CNTNAP4: variants seen among roughly 807,000 people sequenced by gnomAD.
The protein encoded by CNTNAP4 is contactin-associated protein-like 4.
CNTNAP4 carries 98 observed loss-of-function variants against 148.4 expected under a neutral mutation model. The observed-to-expected ratio is 0.66, with a 90% CI of 0.56 to 0.78. The LOEUF (loss-of-function observed/expected upper bound fraction) is 0.78, where lower values mean the gene tolerates loss of function less well. CNTNAP4 is among the 30% of genes least tolerant of loss of function. CNTNAP4 has a pLI of 0.00. For missense variants in CNTNAP4, 1,935 were observed against 1,565.6 expected (o/e 1.24, Z -3.98); for synonymous variants, 730 against 565.1 (o/e 1.29, Z -4.14).
intron 3 of CNTNAP4, among the ~76,000 whole-genome samples, chr16:76,421,261 C>T (rs1159858445): frequency 6.6e-6 from 1 of 151,908 alleles, no homozygotes; most frequent in East Asian, 1.9e-4. Flanking sequence ...TAATAATATT[C>T]AGTATTTTTG....
At chr16:76,535,972 G>T (rs566756030) in intron 18 of CNTNAP4, among the ~76,000 whole-genome samples, 188 bp downstream of exon 18, 1 of 152,286 alleles carries the variant, frequency 6.6e-6, no homozygotes, top group South Asian at 2.1e-4. Context: ...TATATTCAAA[G>T]ATGGAGCGCA....
At chr16:76,319,508 A>G (rs1263515463) in intron 2 of CNTNAP4, among the ~76,000 whole-genome samples, 2 of 152,164 alleles carry the variant, frequency 1.3e-5, no homozygotes, top group Non-Finnish European at 2.9e-5. Flanking sequence ...GTCCTCCTAA[A>G]AGATTGAAAT....
intron 3 of CNTNAP4, among the ~76,000 whole-genome samples, chr16:76,382,686 T>C (rs906475230): frequency 5.9e-5 from 9 of 152,186 alleles, no homozygotes; most frequent in African/African-American, 1.9e-4. Flanking sequence ...CAAAAAACCA[T>C]GACTATGTTT....
chr16:76,501,646 T>C lies in CNTNAP4; in HGVS notation c.2365+2952T>C, dbSNP rs568457276. Among the ~76,000 whole-genome samples the C allele has an allele frequency of 6.6e-5, 10 of 152,242 alleles. No individual in the cohort carries two copies. In the East Asian group the frequency reaches 1.9e-3, roughly 29 times the overall value. On this transcript the variant is annotated intron_variant, in intron 15 of 23. Transcript: ENST00000611870. ...AGGTCAGGTTTGCTGCTAAACATCCTACAATGCATGAGACGGCTCTCCACA... is the reference window on the plus strand; with the variant it reads ...AGGTCAGGTTTGCTGCTAAACATCCCACAATGCATGAGACGGCTCTCCACA...
intron 15 of CNTNAP4, among the ~76,000 whole-genome samples, chr16:76,501,026 A>G (rs1457548386): frequency 6.6e-6 from 1 of 152,206 alleles, no homozygotes; most frequent in Non-Finnish European, 1.5e-5. Flanking sequence ...ATTTATGGAG[A>G]CACAGAGCAG....
intron 2 of CNTNAP4, among the ~76,000 whole-genome samples, chr16:76,333,278 T>C (rs946770822): frequency 3.9e-5 from 6 of 152,160 alleles, no homozygotes; most frequent in Non-Finnish European, 7.4e-5. Context: ...ATGTGTCTCT[T>C]GTATGTACTA....
chr16:76,376,438 GTCT>G (rs1567915753), intron 3 of CNTNAP4, among the ~76,000 whole-genome samples: 1 of 152,186 alleles, frequency 6.6e-6, no homozygotes, highest in East Asian at 1.9e-4. Context: ...GAAGAGACAT[GTCT>G]TCTTATTATA....
intron 3 of CNTNAP4, among the ~76,000 whole-genome samples, chr16:76,386,310 C>T (rs547371275): frequency 3.3e-5 from 5 of 151,948 alleles, no homozygotes; most frequent in East Asian, 3.9e-4. Context: ...AAACTAGCCT[C>T]GGGCAAAATA....
intron 8 of CNTNAP4, among the ~76,000 whole-genome samples, chr16:76,457,789 A>G (rs2080790541): frequency 7.0e-6 from 1 of 143,828 alleles, no homozygotes; most frequent in Non-Finnish European, 1.5e-5. Flanking sequence ...TTTATTTGTT[A>G]TTTTACTTTT....
intron 12 of CNTNAP4, among the ~76,000 whole-genome samples, chr16:76,482,012 T>A (rs1196307513): frequency 6.3e-5 from 2 of 31,952 alleles, no homozygotes; most frequent in Non-Finnish European, 1.3e-4. Context: ...TTTTTTTATT[T>A]TTTTTTTTAA....
chr16:76,553,532 C>T (rs374307538), intron 22 of CNTNAP4, 31 bp downstream of exon 22: 57 of 1,479,188 alleles, frequency 3.9e-5, no homozygotes, highest in Non-Finnish European at 5.0e-5. Flanking sequence ...TACTCAGTCA[C>T]AGACGTAGCT....
At chr16:76,325,043 G>A (rs545301166) in intron 2 of CNTNAP4, among the ~76,000 whole-genome samples, 4 of 152,046 alleles carry the variant, frequency 2.6e-5, no homozygotes, top group South Asian at 2.1e-4. Context: ...GCCAGCCCTC[G>A]GGGGCAAAGA....
rs1313771474 is a variant in CNTNAP4 at position 76,494,938 on chromosome 16, A to G, written c.2109A>G (p.Gly703=). ...QDGTPLSWWV[G]RTNETQTYWG... ...GAACCCCTCTGAGTTGGTGGGTAGG[A>G]AGAACCAATGAAACGCAAACCTACT... Residue 703 remains glycine (G), a synonymous_variant, in exon 14 of 24, where the codon GGA becomes GGG. Transcript: ENST00000611870. The G allele has an allele frequency of 1.2e-6, 2 of 1,613,530 alleles. No individual in the cohort carries two copies. The highest frequency in any genetic ancestry group is 1.7e-6 in the Non-Finnish European group (2 of 1,179,568).
chr16:76,403,097 T>A lies in CNTNAP4; in HGVS notation c.391-24355T>A, dbSNP rs537374647. ...ACTGTTGTTGTTGTTGGGTTTTATT[T>A]TTTTTTTTTTTTTGAGACGAAGTCT... On this transcript the variant is annotated intron_variant, in intron 3 of 23. Coordinates refer to ENST00000611870, the MANE Select transcript of CNTNAP4 (RefSeq NM_033401.5). 1.3e-3 allele frequency among the ~76,000 whole-genome samples: 191 copies of A among 150,656 alleles called. 1 individual carries two copies. Among genetic ancestry groups the A allele is most frequent in the African/African-American group, 4.1e-3 (171 of 41,284 alleles).
intron 3 of CNTNAP4, among the ~76,000 whole-genome samples, chr16:76,413,924 CTT>C (rs890635973): frequency 1.9e-4 from 29 of 151,198 alleles, no homozygotes; most frequent in African/African-American, 7.0e-4. Flanking sequence ...TATATATAGA[CTT>C]TTATCTAACA....
At position 76,448,104 on chromosome 16, in the gene CNTNAP4, A is replaced by C; in HGVS notation, c.631A>C (p.Lys211Gln). The change falls in exon 5 of 24, where the codon AAA (lysine) becomes CAA (glutamine). Residue 211 changes from lysine to glutamine, a missense_variant. Lys to Gln is a moderately conservative substitution (Grantham distance 53). Coordinates refer to ENST00000611870, the MANE Select transcript of CNTNAP4 (RefSeq NM_033401.5). ...LSPIKDIISL[K>Q]FKTMQSDGIL... ...CCCAATAAAAGACATTATTTCTTTG[A>C]AATTCAAAACCATGCAGAGTGATGG... is the stretch of plus-strand genomic sequence containing the variant. The C allele has an allele frequency of 6.2e-7, 1 of 1,613,682 alleles. No individual in the cohort carries two copies. Among genetic ancestry groups the C allele is most frequent in the Non-Finnish European group, 8.5e-7 (1 of 1,179,648 alleles).
Position 76,535,567 on chromosome 16 carries a change from A to G in CNTNAP4, c.2778A>G (p.Arg926=), listed in dbSNP as rs754292915. 1.4e-5 allele frequency: 23 copies of G among 1,612,080 alleles called. No homozygotes were observed. The Admixed American group carries it at 1.5e-4, about 11-fold the overall frequency. ...LFVGGTATRQ[R]GFLGCIRSLQ... The stretch of plus-strand genomic sequence containing the variant: ...TAGGTGGAACGGCCACCAGACAGAG[A>G]GGCTTTCTGGGCTGCATTCGGTCTC... The change falls in exon 18 of 24, where the codon AGA becomes AGG. Residue 926 remains arginine, a synonymous_variant. Coordinates refer to ENST00000611870, the MANE Select transcript of CNTNAP4 (RefSeq NM_033401.5).
intron 3 of CNTNAP4, among the ~76,000 whole-genome samples, chr16:76,380,557 G>C (rs1242948202): frequency 1.3e-5 from 2 of 152,146 alleles, no homozygotes; most frequent in African/African-American, 4.8e-5. Context: ...TACTTGAATA[G>C]ATTCAAGCGA....
chr16:76,416,530 C>G (rs2078989550), intron 3 of CNTNAP4, among the ~76,000 whole-genome samples: 1 of 150,812 alleles, frequency 6.6e-6, no homozygotes, highest in Admixed American at 6.6e-5. Flanking sequence ...GAATTTTTTT[C>G]AGATGTTTAG....
Sources: gnomAD v4.1 joint callset for allele counts (sites outside exome capture counted in the v4.1 genomes callset) on GRCh38, gnomAD v4.1.1 for gene constraint, MANE v1.5 for transcripts, NCBI Gene and HGNC (gene_info 2026-07-23, HGNC 2026-07-21) for gene names.